Variants in INPP5D observed in about 807,000 individuals in gnomAD.
The protein encoded by INPP5D is phosphatidylinositol 3,4,5-trisphosphate 5-phosphatase 1.
A neutral mutation model predicts 122.9 loss-of-function variants in INPP5D; 33 were observed. The observed-to-expected ratio is 0.27, with a 90% CI of 0.20 to 0.36. The LOEUF (loss-of-function observed/expected upper bound fraction) is 0.36. INPP5D is among the 10% of genes least tolerant of loss of function. The pLI is 1.00. For missense variants in INPP5D, 1,053 were observed against 1,412.7 expected (o/e 0.75, Z 4.08); for synonymous variants, 584 against 576.2 (o/e 1.01, Z -0.19).
intron 19 of INPP5D, among the ~76,000 whole-genome samples, chr2:233,182,792 C>A (rs188055620): frequency 1.3e-5 from 2 of 150,806 alleles, no homozygotes; most frequent in Non-Finnish European, 2.9e-5. Context: ...GATAATTCTC[C>A]GGGTGGGATG....
chr2:233,130,653 T>C lies in INPP5D; in HGVS notation c.665+5T>C, dbSNP rs1693295591. The C allele has an allele frequency of 6.2e-7, 1 of 1,613,750 alleles. No homozygotes were observed. The highest frequency in any genetic ancestry group is 8.5e-7 in the Non-Finnish European group (1 of 1,179,736). ...GCTCTGCAAGGAGCTCTATGGGTAA[T>C]GGCTGGCCCACGGGGGCGGGCAGGT... On this transcript the variant is annotated splice_donor_5th_base_variant and intron_variant, in intron 5 of 26. Transcript: ENST00000445964.
chr2:233,135,632 T>C (rs1693448457), intron 5 of INPP5D, among the ~76,000 whole-genome samples: 1 of 149,338 alleles, frequency 6.7e-6, no homozygotes, highest in African/African-American at 2.4e-5. Flanking sequence ...ATTTTATATT[T>C]AATATATTTA....
chr2:233,161,718 C>T lies in INPP5D; in HGVS notation c.1138-6C>T. ...TTTCTAAGTCTGTCTGCCCTTCCAT[C>T]CCTAGAAGAGAGAAGGCTTCTGCCA... On this transcript the variant is annotated splice_region_variant and splice_polypyrimidine_tract_variant and intron_variant, in intron 10 of 26. Coordinates refer to ENST00000445964, the MANE Select transcript of INPP5D (RefSeq NM_001017915.3). 1 of 1,611,328 alleles carries T rather than the reference C, an allele frequency of 6.2e-7. No individual in the cohort carries two copies. Among genetic ancestry groups the T allele is most frequent in the Non-Finnish European group, 8.5e-7 (1 of 1,178,546 alleles).
chr2:233,167,791 G>C (rs1191453746), intron 13 of INPP5D, among the ~76,000 whole-genome samples: 1 of 152,134 alleles, frequency 6.6e-6, no homozygotes, highest in Non-Finnish European at 1.5e-5. Flanking sequence ...GATTGCCAGA[G>C]CTCAGTAGTT....
intron 17 of INPP5D, among the ~76,000 whole-genome samples, chr2:233,174,655 G>A (rs1694572659): frequency 6.6e-6 from 1 of 151,994 alleles, no homozygotes. Flanking sequence ...AGCCAGGTGT[G>A]GTGGCGCACT....
At position 233,205,805 on chromosome 2, in the gene INPP5D, G is replaced by A. The variant is rs150941521; in HGVS notation, c.3568-901G>A. ...ATTAAGAACAGACTCCAGGCCGGGC[G>A]TGGTGGCTCATGACTGTAATCCCAG... is the stretch of plus-strand genomic sequence containing the variant. On this transcript the variant is annotated intron_variant, in intron 26 of 26. Coordinates refer to ENST00000445964, the MANE Select transcript of INPP5D (RefSeq NM_001017915.3). Among the ~76,000 whole-genome samples, 795 of 152,190 alleles carry A rather than the reference G, an allele frequency of 5.2e-3. 17 individuals carry two copies. The highest frequency in any genetic ancestry group is 0.039 in the East Asian group (203 of 5,166).
intron 9 of INPP5D, 74 bp downstream of exon 9, chr2:233,147,668 C>A: frequency 1.5e-6 from 1 of 687,808 alleles, no homozygotes; most frequent in Non-Finnish European, 2.7e-6. Flanking sequence ...GCTCACCTCT[C>A]AGAAGGCCTG....
intron 6 of INPP5D, among the ~76,000 whole-genome samples, chr2:233,143,199 C>G (rs1270623141): frequency 2.6e-5 from 4 of 152,206 alleles, no homozygotes; most frequent in African/African-American, 4.8e-5. Context: ...ATCAAATCAT[C>G]ATTAGGCAGA....
At chr2:233,065,566 TCTTTCTTTCTTTCC>T (rs1691191102) in intron 1 of INPP5D, among the ~76,000 whole-genome samples, 1 of 29,344 alleles carries the variant, frequency 3.4e-5, no homozygotes, top group Non-Finnish European at 7.6e-5. Flanking sequence ...CCAGCCTTTT[TCTTTCTTTCTTTCC>T]TTCTTTCTTT....
intron 1 of INPP5D, among the ~76,000 whole-genome samples, chr2:233,064,583 C>T (rs1691160208): frequency 1.3e-5 from 2 of 152,246 alleles, no homozygotes; most frequent in South Asian, 2.1e-4. Context: ...TTATTATCTC[C>T]ACTTTACAGA....
chr2:233,186,989 T>C (rs1321451231), intron 21 of INPP5D, among the ~76,000 whole-genome samples: 5 of 151,822 alleles, frequency 3.3e-5, no homozygotes, highest in African/African-American at 1.2e-4. Context: ...CCAAAGTGAT[T>C]AGAGGTATGA....
chr2:233,079,859 C>T (rs1451538298), intron 2 of INPP5D, among the ~76,000 whole-genome samples: 1 of 152,182 alleles, frequency 6.6e-6, no homozygotes, highest in African/African-American at 2.4e-5. Flanking sequence ...CTGTTCTGTC[C>T]GAGGCTGGTG....
chr2:233,137,315 A>C (rs13419717), intron 5 of INPP5D, among the ~76,000 whole-genome samples: 4,881 of 152,244 alleles, frequency 0.032, 97 homozygotes, highest in African/African-American at 0.051. Context: ...TACATAGATA[A>C]CATTTTAAAT....
At chr2:233,155,700 A>G (rs1327598979) in intron 9 of INPP5D, among the ~76,000 whole-genome samples, 1 of 151,980 alleles carries the variant, frequency 6.6e-6, no homozygotes, top group Non-Finnish European at 1.5e-5. Flanking sequence ...CAATATCAAA[A>G]TAATAAGTGT....
Position 233,085,728 on chromosome 2 carries a change from G to A in INPP5D, c.198+6330G>A, listed in dbSNP as rs528321917. 1.1e-4 allele frequency among the ~76,000 whole-genome samples: 17 copies of A among 152,172 alleles called. No individual in the cohort carries two copies. The South Asian group carries it at 3.3e-3, about 30-fold the overall frequency. On this transcript the variant is annotated intron_variant, in intron 2 of 26. Transcript: ENST00000445964. Reference sequence around the variant, plus strand: ...AGCCCCCTGGGGTACACATGCCTTTGTGACTGAGCAGCCCCTCCCTCTTGT... The same window carrying A: ...AGCCCCCTGGGGTACACATGCCTTTATGACTGAGCAGCCCCTCCCTCTTGT...
At chr2:233,104,285 A>G (rs558278210) in intron 2 of INPP5D, among the ~76,000 whole-genome samples, 1 of 152,322 alleles carries the variant, frequency 6.6e-6, no homozygotes, top group South Asian at 2.1e-4. Context: ...TATCTGTAAA[A>G]TAGGAAGACT....
Position 233,187,594 on chromosome 2 carries a change from C to T in INPP5D, c.2358+1669C>T, listed in dbSNP as rs192161750. ...CCATGTAAAAAGGCCATGTCATCTC[C>T]GGAGCAGAGGCTGATGCCTGAACTC... On this transcript the variant is annotated intron_variant, in intron 21 of 26. Coordinates refer to ENST00000445964, the MANE Select transcript of INPP5D (RefSeq NM_001017915.3). Among the ~76,000 whole-genome samples, 830 of 152,316 alleles carry T rather than the reference C, an allele frequency of 5.4e-3. 5 individuals carry two copies. Among genetic ancestry groups the T allele is most frequent in the African/African-American group, 0.019 (792 of 41,562 alleles).
intron 1 of INPP5D, among the ~76,000 whole-genome samples, chr2:233,074,422 G>T (rs914985582): frequency 2.0e-5 from 3 of 152,180 alleles, no homozygotes; most frequent in Admixed American, 2.0e-4. Context: ...CTCCTGGCCA[G>T]CTGAGCCACC....
chr2:233,096,629 G>T (rs1045539968), intron 2 of INPP5D, among the ~76,000 whole-genome samples: 8 of 152,160 alleles, frequency 5.3e-5, no homozygotes, highest in African/African-American at 1.9e-4. Flanking sequence ...TCCAGCCTGG[G>T]TGACAGAGCG....
Sources: allele counts gnomAD v4.1 joint callset (sites outside exome capture counted in the v4.1 genomes callset), GRCh38; gene constraint gnomAD v4.1.1; transcripts MANE v1.5; gene names NCBI Gene and HGNC (gene_info 2026-07-23, HGNC 2026-07-21).